The following TMEM132D variants were observed in gnomAD, a reference collection of about 807,000 sequenced individuals.
TMEM132D encodes the protein transmembrane protein 132D.
Under a neutral mutation model 62.3 loss-of-function variants are expected in TMEM132D, and 21 were observed. The ratio of observed to expected loss-of-function variants is 0.34; its 90% CI spans 0.24 to 0.49. TMEM132D has a LOEUF of 0.49. Among genes scored for constraint, TMEM132D ranks in the 20% least tolerant of loss-of-function variants. The pLI is 0.99. For missense variants in TMEM132D, 1,346 were observed against 1,402.8 expected (o/e 0.96, Z 0.65); for synonymous variants, 621 against 575.6 (o/e 1.08, Z -1.13).
rs1875423527 is a variant in TMEM132D at position 129,903,133 on chromosome 12, G to T, written c.79+128C>A. ...CGTTCACACGCGCGCACACACACATGCACACAAGCGCGCACACACACTTGC... is the reference window on the plus strand; with the variant it reads ...CGTTCACACGCGCGCACACACACATTCACACAAGCGCGCACACACACTTGC... On this transcript the variant is annotated intron_variant, in intron 1 of 8. Transcript: ENST00000422113. The surrounding 1 kb of genome is among the most constrained non-coding windows in gnomAD (Gnocchi z 6.2). The T allele has an allele frequency of 3.0e-6, 3 of 998,332 alleles. No homozygotes were observed. The highest frequency in any genetic ancestry group is 3.2e-5 in the South Asian group (2 of 63,170). 61.8% of individuals were successfully genotyped at this position (998,332 alleles called of 1,614,324 possible). A position where few individuals can be genotyped will look rare whatever the true frequency, so the allele number is the denominator to read the frequency against.
chr12:129,380,944 A>T (rs1417099784), intron 3 of TMEM132D, among the ~76,000 whole-genome samples: 1 of 152,228 alleles, frequency 6.6e-6, no homozygotes, highest in Non-Finnish European at 1.5e-5. Context: ...TTTTCAAATA[A>T]ATAAATGGAT....
intron 3 of TMEM132D, among the ~76,000 whole-genome samples, chr12:129,349,716 T>C (rs1869806321): frequency 6.6e-6 from 1 of 152,214 alleles, no homozygotes; most frequent in Admixed American, 6.5e-5. Flanking sequence ...GTAAAGAGTT[T>C]AAATATTTAT....
chr12:129,425,397 A>C (rs868529778), intron 3 of TMEM132D, among the ~76,000 whole-genome samples: 6 of 135,576 alleles, frequency 4.4e-5, no homozygotes, highest in Middle Eastern at 3.9e-3. Context: ...GTTTCCCCAG[A>C]TGCTTGCACT....
Position 129,356,150 on chromosome 12 carries a change from T to TTTC in TMEM132D, c.1116-18334_1116-18333insGAA, listed in dbSNP as rs1430707764. Reference sequence around the variant, plus strand: ...TGCTTCTAGAGAAACTGAAGGGATTTTTTTTTTTTTTTTTTTTTTTTTTTG... The same window carrying TTTC: ...TGCTTCTAGAGAAACTGAAGGGATTTTTCTTTTTTTTTTTTTTTTTTTTTTTTG... On this transcript the variant is annotated intron_variant, in intron 3 of 8. Coordinates refer to ENST00000422113, the MANE Select transcript of TMEM132D (RefSeq NM_133448.3). Among the ~76,000 whole-genome samples, 16 of 31,622 alleles carry TTTC rather than the reference T, an allele frequency of 5.1e-4. 4 individuals are homozygous for TTTC. In the South Asian group the frequency reaches 6.2e-3, roughly 12 times the overall value. 20.7% of individuals were successfully genotyped at this position (31,622 alleles called of 152,430 possible).
intron 3 of TMEM132D, among the ~76,000 whole-genome samples, chr12:129,417,150 A>G (rs1872147351): frequency 6.6e-6 from 1 of 152,188 alleles, no homozygotes; most frequent in African/African-American, 2.4e-5. Flanking sequence ...TACCTCTGGT[A>G]GAATTCGGCT....
At chr12:129,299,000 C>A (rs989420109) in intron 4 of TMEM132D, among the ~76,000 whole-genome samples, 3 of 152,196 alleles carry the variant, frequency 2.0e-5, no homozygotes, top group Non-Finnish European at 2.9e-5. Flanking sequence ...GATGTCAGAA[C>A]CTCAACTTTC....
At position 129,505,809 on chromosome 12, in the gene TMEM132D, A is replaced by G. The variant is rs531170827; in HGVS notation, c.1115+25250T>C. On this transcript the variant is annotated intron_variant, in intron 3 of 8. Transcript: ENST00000422113. ...TGTCTTTTTAAACTGCTGTTGCTTT[A>G]AAGTTTGTTTCATCTGATACAAGAA... Among the ~76,000 whole-genome samples, 7 of 152,248 alleles carry G rather than the reference A, an allele frequency of 4.6e-5. No individual in the cohort carries two copies. In the East Asian group the frequency reaches 1.2e-3, roughly 25 times the overall value.
At chr12:129,477,388 C>G (rs1874295992) in intron 3 of TMEM132D, among the ~76,000 whole-genome samples, 1 of 152,230 alleles carries the variant, frequency 6.6e-6, no homozygotes, top group African/African-American at 2.4e-5. Context: ...AAGGGAGAGG[C>G]CAACGGCAAG....
intron 2 of TMEM132D, among the ~76,000 whole-genome samples, chr12:129,629,064 C>T (rs763692888): frequency 1.3e-5 from 2 of 152,018 alleles, no homozygotes; most frequent in African/African-American, 4.8e-5. Flanking sequence ...CTGTATGCCC[C>T]TTTCTCCCTC....
intron 2 of TMEM132D, among the ~76,000 whole-genome samples, chr12:129,634,504 G>T (rs1162526813): frequency 1.3e-5 from 2 of 151,196 alleles, no homozygotes; most frequent in Admixed American, 6.6e-5. Flanking sequence ...AATTTTTCAG[G>T]ATGGCACTGT....
chr12:129,376,362 G>A (rs1479747513), intron 3 of TMEM132D, among the ~76,000 whole-genome samples: 2 of 152,164 alleles, frequency 1.3e-5, no homozygotes, highest in Non-Finnish European at 2.9e-5. Context: ...TCCCATGGTG[G>A]TAGCAAGGAG....
intron 5 of TMEM132D, among the ~76,000 whole-genome samples, chr12:129,127,846 G>A (rs1414908113): frequency 6.6e-6 from 1 of 152,196 alleles, no homozygotes; most frequent in Non-Finnish European, 1.5e-5. Flanking sequence ...CCTTCTAACT[G>A]CACTGGTTAC....
At chr12:129,811,468 T>C (rs766051761) in intron 1 of TMEM132D, among the ~76,000 whole-genome samples, 2 of 151,686 alleles carry the variant, frequency 1.3e-5, no homozygotes. Context: ...GCAAGAGGAC[T>C]CTCCAACTCA....
At chr12:129,895,756 A>G (rs887452739) in intron 1 of TMEM132D, among the ~76,000 whole-genome samples, 39 of 152,094 alleles carry the variant, frequency 2.6e-4, no homozygotes, top group Admixed American at 1.3e-4. Flanking sequence ...CGTGGCACAG[A>G]GCAGCTGAAA....
chr12:129,699,942 G>A lies in TMEM132D; in HGVS notation c.836C>T (p.Pro279Leu), dbSNP rs2137225530. The part of the protein sequence containing the change: ...SIFLYQTHRK[P>L]SLRELRLDNS... ...GTCCAGACGCAGTTCTCTCAGGGAG[G>A]GTTTCCTGTGTGTCTGATAAAGGAA... The change falls in exon 2 of 9, where the codon CCC (proline) becomes CTC (leucine). Residue 279 changes from proline (P) to leucine (L), a missense_variant. Coordinates refer to ENST00000422113, the MANE Select transcript of TMEM132D (RefSeq NM_133448.3). The A allele has an allele frequency of 6.2e-7, 1 of 1,614,110 alleles. No homozygotes were observed. The highest frequency in any genetic ancestry group is 8.5e-7 in the Non-Finnish European group (1 of 1,180,020).
At chr12:129,399,488 G>T (rs749027460) in intron 3 of TMEM132D, among the ~76,000 whole-genome samples, 42 of 152,064 alleles carry the variant, frequency 2.8e-4, no homozygotes, top group Middle Eastern at 3.2e-3. Flanking sequence ...ATCCACTTGT[G>T]ATGGCAGAGC....
chr12:129,624,656 T>C (rs1197636257), intron 2 of TMEM132D, among the ~76,000 whole-genome samples: 1 of 152,276 alleles, frequency 6.6e-6, no homozygotes, highest in Non-Finnish European at 1.5e-5. Flanking sequence ...TCTGATCTCC[T>C]GCCAGTGCCT....
intron 3 of TMEM132D, among the ~76,000 whole-genome samples, chr12:129,518,501 G>C (rs1875746205): frequency 6.6e-6 from 1 of 150,994 alleles, no homozygotes; most frequent in Admixed American, 6.6e-5. Flanking sequence ...TATATTGTGT[G>C]TGTGTGTGTA....
chr12:129,560,270 C>T (rs1388938356), intron 2 of TMEM132D, among the ~76,000 whole-genome samples: 3 of 146,148 alleles, frequency 2.1e-5, no homozygotes, highest in Middle Eastern at 3.5e-3. Flanking sequence ...CTTTTGTTTT[C>T]TTTTTTTTTT....
Sources: gnomAD v4.1 joint callset for allele counts (sites outside exome capture counted in the v4.1 genomes callset) on GRCh38, gnomAD v4.1.1 for gene constraint, Gnocchi (gnomAD v3.1) non-coding constraint, MANE v1.5 for transcripts, NCBI Gene and HGNC (gene_info 2026-07-23, HGNC 2026-07-21) for gene names.